INPP4B: variants seen among roughly 807,000 people sequenced by gnomAD.
The protein encoded by INPP4B is inositol polyphosphate-4-phosphatase type II B, also known as inositol polyphosphate 4-phosphatase type II.
In INPP4B, 55 loss-of-function variants were observed where a neutral mutation model predicts 122.5. The ratio of observed to expected loss-of-function variants is 0.45; its 90% CI spans 0.36 to 0.56. The LOEUF (loss-of-function observed/expected upper bound fraction) is 0.56, where lower values mean the gene tolerates loss of function less well. Among genes scored for constraint, INPP4B ranks in the 20% least tolerant of loss-of-function variants. The pLI, the probability that INPP4B is intolerant of heterozygous loss-of-function variation, is 0.00. For missense variants in INPP4B, 1,000 were observed against 1,097.7 expected, an observed-to-expected ratio of 0.91 and a Z score of 1.26; for synonymous variants, 403 against 388.7, an observed-to-expected ratio of 1.04 and a Z score of -0.43.
chr4:142,207,230 A>T (rs78424455), intron 14 of INPP4B, among the ~76,000 whole-genome samples: 14,772 of 152,192 alleles, frequency 0.097, 808 homozygotes, highest in Middle Eastern at 0.14. Context: ...GCTACGGTGA[A>T]CAATGCTGCA....
At chr4:142,342,725 G>A (rs993942016) in intron 7 of INPP4B, among the ~76,000 whole-genome samples, 1 of 152,056 alleles carries the variant, frequency 6.6e-6, no homozygotes, top group African/African-American at 2.4e-5. Context: ...CATAAATTTT[G>A]TATAAAGAAA....
intron 16 of INPP4B, among the ~76,000 whole-genome samples, chr4:142,167,071 T>C (rs894370264): frequency 6.6e-6 from 1 of 151,926 alleles, no homozygotes; most frequent in African/African-American, 2.4e-5. Context: ...TAAATCATTC[T>C]ATAATAAAGA....
chr4:142,519,601 C>T (rs1230736847), intron 2 of INPP4B, among the ~76,000 whole-genome samples: 6 of 152,064 alleles, frequency 3.9e-5, no homozygotes, highest in Admixed American at 3.9e-4. Flanking sequence ...AATATGAATT[C>T]CTTCAGCAGC....
At chr4:142,778,190 T>C (rs538597308) in intron 1 of INPP4B, among the ~76,000 whole-genome samples, 10 of 152,300 alleles carry the variant, frequency 6.6e-5, no homozygotes, top group Non-Finnish European at 1.3e-4. Flanking sequence ...AGATGATATA[T>C]GTGGAAGTCT....
intron 2 of INPP4B, among the ~76,000 whole-genome samples, chr4:142,584,401 TC>T (rs1735726633): frequency 6.6e-6 from 1 of 152,188 alleles, no homozygotes; most frequent in African/African-American, 2.4e-5. Flanking sequence ...GTTTTACGAT[TC>T]CATCCCACAC....
chr4:142,176,735 T>C (rs1561385226), intron 15 of INPP4B, among the ~76,000 whole-genome samples: 1 of 152,136 alleles, frequency 6.6e-6, no homozygotes, highest in Non-Finnish European at 1.5e-5. Flanking sequence ...TGCTTTAGTA[T>C]GCTGTAGCAC....
chr4:142,762,683 A>C (rs1771525069), intron 1 of INPP4B, among the ~76,000 whole-genome samples: 1 of 152,152 alleles, frequency 6.6e-6, no homozygotes, highest in Admixed American at 6.6e-5. Flanking sequence ...AGTAGAAAGC[A>C]TTCTATATGT....
chr4:142,294,408 A>G (rs1258522758), intron 9 of INPP4B, among the ~76,000 whole-genome samples: 1 of 152,050 alleles, frequency 6.6e-6, no homozygotes, highest in East Asian at 1.9e-4. Context: ...GGGGATGGTG[A>G]CTAGACCTTC....
chr4:142,208,827 A>T lies in INPP4B; in HGVS notation c.967+69T>A, dbSNP rs539726866. The T allele has an allele frequency of 1.8e-4, 194 of 1,098,036 alleles. No individual in the cohort carries two copies. In the African/African-American group the frequency reaches 2.6e-3, roughly 15 times the overall value. The allele number at this position is 1,098,036 out of a possible 1,614,324, so 68.0% of individuals were successfully genotyped here. A position where few individuals can be genotyped will look rare whatever the true frequency, so the allele number is the denominator to read the frequency against. On this transcript the variant is annotated intron_variant, in intron 13 of 25. Coordinates refer to ENST00000262992, the MANE Select transcript of INPP4B (RefSeq NM_001101669.3). ...CCTATCTACATAAAATCTATTTATT[A>T]TTTTTTTTTTCATTTCACATGCAGG...
chr4:142,342,029 G>A (rs1778863785), intron 7 of INPP4B, among the ~76,000 whole-genome samples: 1 of 152,158 alleles, frequency 6.6e-6, no homozygotes, highest in Non-Finnish European at 1.5e-5. Context: ...CAGAGAAGCT[G>A]TGAGGTAATA....
chr4:142,388,578 G>C (rs977512758), intron 7 of INPP4B, among the ~76,000 whole-genome samples: 8 of 152,148 alleles, frequency 5.3e-5, no homozygotes, highest in African/African-American at 1.9e-4. Flanking sequence ...AAAATGAATA[G>C]ATCCCACTCA....
intron 11 of INPP4B, among the ~76,000 whole-genome samples, chr4:142,257,798 A>G (rs1333917030): frequency 5.3e-5 from 8 of 152,042 alleles, no homozygotes; most frequent in African/African-American, 1.7e-4. Flanking sequence ...TATAGATTCA[A>G]TGCCATCCCC....
rs184487380 is a variant in INPP4B, at chr4:142,397,611, G to A, written c.372+5327C>T. 1.9e-4 allele frequency among the ~76,000 whole-genome samples: 29 copies of A among 151,824 alleles called. No homozygotes were observed. The East Asian group carries it at 5.1e-3, about 27-fold the overall frequency. On this transcript the variant is annotated intron_variant, in intron 7 of 25. Transcript: ENST00000262992. Reference sequence around the variant, plus strand: ...TCCCAGCACTTTGGGAGGCCGAAGCGGACGGATCACGAGGTCAGGAGATGA... The same window carrying A: ...TCCCAGCACTTTGGGAGGCCGAAGCAGACGGATCACGAGGTCAGGAGATGA...
At chr4:142,226,653 A>T (rs538759153) in intron 12 of INPP4B, among the ~76,000 whole-genome samples, 7 of 152,332 alleles carry the variant, frequency 4.6e-5, no homozygotes, top group African/African-American at 1.7e-4. Context: ...ATGAATTCTA[A>T]CGAAAAGAGT....
At chr4:142,176,143 TTATTA>T (rs1828107849) in intron 15 of INPP4B, among the ~76,000 whole-genome samples, 3 of 147,354 alleles carry the variant, frequency 2.0e-5, no homozygotes, top group Middle Eastern at 3.3e-3. Flanking sequence ...ATTATTATTA[TTATTA>T]TTATTATACT....
intron 17 of INPP4B, among the ~76,000 whole-genome samples, chr4:142,151,706 TTC>T (rs1321266580): frequency 1.3e-5 from 2 of 152,216 alleles, no homozygotes; most frequent in Non-Finnish European, 2.9e-5. Context: ...TATTACATTC[TTC>T]TCTCAGCCTG....
At chr4:142,460,085 T>C (rs1480536765) in intron 3 of INPP4B, among the ~76,000 whole-genome samples, 1 of 152,196 alleles carries the variant, frequency 6.6e-6, no homozygotes, top group Non-Finnish European at 1.5e-5. Flanking sequence ...TAGAACTTGC[T>C]ATATCCAGAT....
chr4:142,528,840 T>A (rs992976576), intron 2 of INPP4B, among the ~76,000 whole-genome samples: 3 of 152,136 alleles, frequency 2.0e-5, no homozygotes. Context: ...TATTTGCAGA[T>A]ATGTGCAGAA....
chr4:142,843,002 A>G (rs924010381), intron 1 of INPP4B, among the ~76,000 whole-genome samples: 4 of 146,994 alleles, frequency 2.7e-5, no homozygotes, highest in Non-Finnish European at 4.5e-5. Flanking sequence ...AACATTTTAA[A>G]TGTTTCTTTT....
Sources: allele counts gnomAD v4.1 joint callset (sites outside exome capture counted in the v4.1 genomes callset), GRCh38; gene constraint gnomAD v4.1.1; transcripts MANE v1.5; gene names NCBI Gene and HGNC (gene_info 2026-07-23, HGNC 2026-07-21).